NRG2: variants seen among roughly 807,000 people sequenced by gnomAD.
NRG2 encodes the protein neuregulin 2, also known as pro-neuregulin-2, membrane-bound isoform.
NRG2 carries 27 observed loss-of-function variants against 73.9 expected under a neutral mutation model. The ratio of observed to expected loss-of-function variants is 0.37; its 90% CI spans 0.27 to 0.50. The LOEUF is 0.50. Among genes scored for constraint, NRG2 ranks in the 20% least tolerant of loss-of-function variants. The probability of loss-of-function intolerance (pLI) is 0.96; values close to 1 mark genes in which losing one functional copy is unlikely to be tolerated. For synonymous variants in NRG2, 532 were observed against 541.0 expected (o/e 0.98, Z 0.23); for missense variants, 1,126 against 1,210.1 (o/e 0.93, Z 1.03).
At chr5:139,938,876 G>GA (rs1278431531) in intron 1 of NRG2, among the ~76,000 whole-genome samples, 2 of 88,964 alleles carry the variant, frequency 2.2e-5, no homozygotes, top group South Asian at 5.9e-4. Flanking sequence ...GAGAGAGAGA[G>GA]AGAGAAGGAA....
chr5:140,015,957 G>C (rs1759735769), intron 1 of NRG2, among the ~76,000 whole-genome samples: 1 of 152,132 alleles, frequency 6.6e-6, no homozygotes, highest in Non-Finnish European at 1.5e-5. Flanking sequence ...TTCTTTCAAG[G>C]CGCCACATCT....
At chr5:140,023,791 T>G (rs1296546687) in intron 1 of NRG2, among the ~76,000 whole-genome samples, 1 of 152,192 alleles carries the variant, frequency 6.6e-6, no homozygotes, top group African/African-American at 2.4e-5. Flanking sequence ...CCTGGGGGAT[T>G]TGCTATAGCC....
chr5:139,901,384 G>A (rs910008396), intron 1 of NRG2, among the ~76,000 whole-genome samples: 10 of 152,192 alleles, frequency 6.6e-5, no homozygotes, highest in African/African-American at 2.2e-4. Flanking sequence ...AGTGGCAGGA[G>A]GACAGCTCAA....
chr5:139,939,037 A>C (rs897375259), intron 1 of NRG2, among the ~76,000 whole-genome samples: 2 of 151,582 alleles, frequency 1.3e-5, no homozygotes, highest in Admixed American at 6.6e-5. Context: ...GAAAGAAGGA[A>C]GGAAGGAAGG....
chr5:139,881,722 G>T (rs1471296013), intron 2 of NRG2, among the ~76,000 whole-genome samples: 1 of 152,238 alleles, frequency 6.6e-6, no homozygotes, highest in Non-Finnish European at 1.5e-5. Context: ...CAAGGCAAAG[G>T]CAGAGGTATG....
In NRG2 at chr5:139,851,678, C is replaced by T; in HGVS notation, c.1698G>A (p.Glu566=). ...RARRAAAYNL[E]ERRRATAPPY... is the part of the protein sequence containing the mutation. Reference sequence around the variant, plus strand: ...GTGGCGCGGTGGCCCTGCGCCGCTCCTCCAGGTTGTAGGCTGCTGCCCGCC... The same window carrying T: ...GTGGCGCGGTGGCCCTGCGCCGCTCTTCCAGGTTGTAGGCTGCTGCCCGCC... The change falls in exon 9 of 10, where the codon GAG becomes GAA. Residue 566 remains glutamate (E), a synonymous_variant. Coordinates refer to ENST00000361474, the MANE Select transcript of NRG2 (RefSeq NM_004883.3). This position sits in a 1 kb window ranked among gnomAD's most constrained non-coding sequence, Gnocchi z 4.2. 1.2e-6 allele frequency: 2 copies of T among 1,614,172 alleles called. No homozygotes were observed. Among genetic ancestry groups the T allele is most frequent in the East Asian group, 4.5e-5 (2 of 44,876 alleles).
chr5:139,864,948 A>G, intron 5 of NRG2: 1 of 708,398 alleles, frequency 1.4e-6, no homozygotes, highest in South Asian at 1.5e-5. Flanking sequence ...CCCAGGAGGT[A>G]CAGCCCACAT....
At chr5:139,919,089 C>T (rs912357709) in intron 1 of NRG2, among the ~76,000 whole-genome samples, 1 of 152,160 alleles carries the variant, frequency 6.6e-6, no homozygotes, top group Non-Finnish European at 1.5e-5. Flanking sequence ...TGATTACCCT[C>T]CCAAAGGTAG....
intron 6 of NRG2, 136 bp downstream of exon 6, chr5:139,855,539 GC>G: frequency 4.2e-6 from 3 of 713,734 alleles, no homozygotes; most frequent in Non-Finnish European, 4.9e-6. Flanking sequence ...AGCTACAGAG[GC>G]CCCCGAGGGG....
At position 139,852,306 on chromosome 5, in the gene NRG2, G is replaced by T. The variant is rs1581766573; in HGVS notation, c.1544+126C>A. On this transcript the variant is annotated intron_variant, in intron 8 of 9. Coordinates refer to ENST00000361474, the MANE Select transcript of NRG2 (RefSeq NM_004883.3). The surrounding 1 kb of genome is among the most constrained non-coding windows in gnomAD (Gnocchi z 4.4). ...AGTTCTGGAGAGGAGGCTAAGGTGT[G>T]CTGTGATTCCTGTGGCAAGCTCAGG... 8.4e-7 allele frequency: 1 copy of T among 1,194,956 alleles called. No homozygotes were observed. The highest frequency in any genetic ancestry group is 1.2e-6 in the Non-Finnish European group (1 of 854,546). 74.0% of individuals were successfully genotyped at this position (1,194,956 alleles called of 1,614,324 possible).
chr5:139,947,529 C>T (rs1398408661), intron 1 of NRG2, among the ~76,000 whole-genome samples: 1 of 152,164 alleles, frequency 6.6e-6, no homozygotes, highest in East Asian at 1.9e-4. Flanking sequence ...ACGAATAATG[C>T]TTCTGTGAAC....
In NRG2 at chr5:139,943,779, A is replaced by G. The variant is rs147679097; in HGVS notation, c.701-56268T>C. On this transcript the variant is annotated intron_variant, in intron 1 of 9. Transcript: ENST00000361474. ...ATGAAATACCACAGTATAGTGATAC[A>G]CATGTCACTTATTAACATTGTTAGG... Among the ~76,000 whole-genome samples, 468 of 152,308 alleles carry G rather than the reference A, an allele frequency of 3.1e-3. 2 individuals carry two copies. Among genetic ancestry groups the G allele is most frequent in the African/African-American group, 0.011 (461 of 41,560 alleles).
intron 1 of NRG2, among the ~76,000 whole-genome samples, chr5:139,917,886 T>A (rs1020394199): frequency 4.6e-5 from 7 of 152,370 alleles, no homozygotes; most frequent in African/African-American, 1.7e-4. Flanking sequence ...CAACATTTTT[T>A]AAAATTTTGA....
intron 1 of NRG2, among the ~76,000 whole-genome samples, chr5:140,014,191 A>G (rs1025525711): frequency 6.6e-6 from 1 of 152,002 alleles, no homozygotes; most frequent in Non-Finnish European, 1.5e-5. Flanking sequence ...TCCCATCTCA[A>G]TGGCGATATC....
At chr5:139,998,547 C>T (rs1264883650) in intron 1 of NRG2, among the ~76,000 whole-genome samples, 1 of 152,156 alleles carries the variant, frequency 6.6e-6, no homozygotes, top group Non-Finnish European at 1.5e-5. Flanking sequence ...GCCTGCCTCA[C>T]GCCTTCTACT....
intron 9 of NRG2, 48 bp from the exon 10 acceptor site, chr5:139,848,745 CGGGGGAG>C: frequency 1.6e-5 from 1 of 63,994 alleles, no homozygotes; most frequent in Non-Finnish European, 1.9e-5. Flanking sequence ...CGGGCCGGCG[CGGGGGAG>C]GGGGGGTTGG....
chr5:139,852,685 A>G lies in NRG2; in HGVS notation c.1417-126T>C, dbSNP rs1761528187. 6.8e-7 allele frequency: 1 copy of G among 1,460,816 alleles called. No homozygotes were observed. The highest frequency in any genetic ancestry group is 1.4e-5 in the African/African-American group (1 of 70,834). The allele number at this position is 1,460,816 out of a possible 1,614,324, so 90.5% of individuals were successfully genotyped here. ...TGGGGAGACCCACTGTGTGAGAGTG[A>G]CTTGATGTTGGGGCAGCGATGGCTC... On this transcript the variant is annotated intron_variant, in intron 7 of 9. Transcript: ENST00000361474. This position sits in a 1 kb window ranked among gnomAD's most constrained non-coding sequence, Gnocchi z 4.4.
At chr5:140,017,749 G>A (rs963177643) in intron 1 of NRG2, among the ~76,000 whole-genome samples, 3 of 152,206 alleles carry the variant, frequency 2.0e-5, no homozygotes, top group Non-Finnish European at 1.5e-5. Flanking sequence ...CTTTCAAGGA[G>A]ATTGGTTGCG....
In NRG2 at chr5:139,915,668, G is replaced by T. The variant is rs1233207726; in HGVS notation, c.701-28157C>A. Among the ~76,000 whole-genome samples the T allele has an allele frequency of 6.6e-6, 1 of 152,178 alleles. No individual in the cohort carries two copies. Among genetic ancestry groups the T allele is most frequent in the Non-Finnish European group, 1.5e-5 (1 of 68,028 alleles). On this transcript the variant is annotated intron_variant, in intron 1 of 9. Coordinates refer to ENST00000361474, the MANE Select transcript of NRG2 (RefSeq NM_004883.3). This position sits in a 1 kb window ranked among gnomAD's most constrained non-coding sequence, Gnocchi z 4.0. The stretch of plus-strand genomic sequence containing the variant: ...GTATATTCAGACAACTCTGAATATT[G>T]TCATTCAATTTACAAGTAGCAGAAC...
Sources: allele counts gnomAD v4.1 joint callset (sites outside exome capture counted in the v4.1 genomes callset), GRCh38; gene constraint gnomAD v4.1.1; non-coding constraint Gnocchi (gnomAD v3.1); transcripts MANE v1.5; gene names NCBI Gene and HGNC (gene_info 2026-07-23, HGNC 2026-07-21).